Variants in KLHDC10 observed in about 807,000 individuals in gnomAD.
The protein encoded by KLHDC10 is kelch domain-containing protein 10.
KLHDC10 carries 24 observed loss-of-function variants against 56.1 expected under a neutral mutation model. That is an observed-to-expected ratio of 0.43 (90% CI 0.31 to 0.60). The LOEUF (loss-of-function observed/expected upper bound fraction) is 0.60. Among genes scored for constraint, KLHDC10 ranks in the 20% least tolerant of loss-of-function variants. KLHDC10 has a pLI of 0.11. For synonymous variants in KLHDC10, 188 were observed against 207.1 expected, an observed-to-expected ratio of 0.91 and a Z score of 0.79; for missense variants, 349 against 567.0, an observed-to-expected ratio of 0.62 and a Z score of 3.91.
chr7:130,124,563 G>A (rs11763721), intron 6 of KLHDC10, 28 bp downstream of exon 6: 13,647 of 1,185,578 alleles, frequency 0.012, 94 homozygotes, highest in Non-Finnish European at 0.015. Context: ...GAAAAAAAGG[G>A]AGAGGGAGAA....
chr7:130,074,274 G>T (rs571546572), intron 1 of KLHDC10, among the ~76,000 whole-genome samples: 9 of 152,036 alleles, frequency 5.9e-5, no homozygotes, highest in Non-Finnish European at 1.3e-4. Flanking sequence ...TTAGATCTCA[G>T]TTTGATCAAA....
chr7:130,082,817 C>T (rs1489394416), intron 1 of KLHDC10, among the ~76,000 whole-genome samples: 1 of 152,200 alleles, frequency 6.6e-6, no homozygotes, highest in Admixed American at 6.5e-5. Flanking sequence ...TTTCATCCTA[C>T]CCAGCTTCTC....
chr7:130,133,731 A>G lies in KLHDC10; in HGVS notation c.*2985A>G, dbSNP rs552817315. ...TCTGTAAGGAGTTTCCTAAACGGAG[A>G]ATTAAAACCTAGTATTTAACACTAA... On this transcript the variant is annotated 3_prime_UTR_variant, in exon 10 of 10. Transcript: ENST00000335420. 2 of 152,328 alleles carry G rather than the reference A, an allele frequency of 1.3e-5. No homozygotes were observed. The highest frequency in any genetic ancestry group is 4.8e-5 in the African/African-American group (2 of 41,570). 9.4% of individuals were successfully genotyped at this position (152,328 alleles called of 1,614,324 possible).
At chr7:130,129,803 G>A (rs1432961005) in intron 9 of KLHDC10, among the ~76,000 whole-genome samples, 1 of 152,116 alleles carries the variant, frequency 6.6e-6, no homozygotes, top group East Asian at 1.9e-4. Flanking sequence ...GCTACCTGTG[G>A]CATTCCGGCC....
At chr7:130,096,750 T>C (rs190489752) in intron 1 of KLHDC10, among the ~76,000 whole-genome samples, 171 bp from the exon 2 acceptor site, 1 of 152,318 alleles carries the variant, frequency 6.6e-6, no homozygotes, top group East Asian at 1.9e-4. Context: ...GCTTATATGT[T>C]AATTTAATTT....
intron 1 of KLHDC10, chr7:130,094,793 T>C (rs1279106772): frequency 2.0e-5 from 3 of 152,168 alleles, no homozygotes; most frequent in Non-Finnish European, 2.9e-5. Context: ...TCCCCTATCA[T>C]TGGACATTGA....
intron 1 of KLHDC10, among the ~76,000 whole-genome samples, chr7:130,071,648 G>A (rs961267523): frequency 3.3e-5 from 5 of 152,086 alleles, no homozygotes; most frequent in Non-Finnish European, 4.4e-5. Context: ...AAGGAAGGTA[G>A]GGAATTAAAT....
At chr7:130,122,308 T>G in intron 5 of KLHDC10, 106 bp downstream of exon 5, 1 of 1,042,066 alleles carries the variant, frequency 9.6e-7, no homozygotes. Context: ...TTAGAATAAC[T>G]AACTGGCTGT....
intron 8 of KLHDC10, among the ~76,000 whole-genome samples, 168 bp downstream of exon 8, chr7:130,127,619 T>C (rs1796331396): frequency 6.6e-6 from 1 of 152,250 alleles, no homozygotes; most frequent in Admixed American, 6.5e-5. Context: ...GCTGTTTTCA[T>C]AATGTAAACT....
chr7:130,085,190 G>A (rs1396091953), intron 1 of KLHDC10, among the ~76,000 whole-genome samples: 2 of 151,552 alleles, frequency 1.3e-5, no homozygotes, highest in Non-Finnish European at 2.9e-5. Context: ...AAAATTAGCC[G>A]GGTGTGGTGG....
intron 1 of KLHDC10, among the ~76,000 whole-genome samples, chr7:130,079,577 G>A (rs1053791979): frequency 6.6e-6 from 1 of 152,074 alleles, no homozygotes; most frequent in Non-Finnish European, 1.5e-5. Context: ...TAAACGTACT[G>A]CTGGGTTCTG....
At chr7:130,080,936 C>G (rs749487649) in intron 1 of KLHDC10, among the ~76,000 whole-genome samples, 1 of 150,018 alleles carries the variant, frequency 6.7e-6, no homozygotes, top group Non-Finnish European at 1.5e-5. Flanking sequence ...ATAACCGGCT[C>G]TTGGATTTTT....
intron 1 of KLHDC10, among the ~76,000 whole-genome samples, chr7:130,082,953 C>T (rs1234755390): frequency 6.6e-6 from 1 of 152,076 alleles, no homozygotes; most frequent in African/African-American, 2.4e-5. Context: ...CTTTATCTGC[C>T]ACTTAATATT....
intron 1 of KLHDC10, among the ~76,000 whole-genome samples, chr7:130,094,026 C>T (rs1795815797): frequency 6.6e-6 from 1 of 152,112 alleles, no homozygotes; most frequent in Non-Finnish European, 1.5e-5. Context: ...TGGGTTCCAG[C>T]AATTCTCCTG....
chr7:130,128,439 T>C (rs1458584676), intron 8 of KLHDC10, among the ~76,000 whole-genome samples: 2 of 152,214 alleles, frequency 1.3e-5, no homozygotes, highest in African/African-American at 4.8e-5. Flanking sequence ...TAATTAGTTA[T>C]AACTAACTGA....
chr7:130,093,004 G>GTT (rs1795797736), intron 1 of KLHDC10, among the ~76,000 whole-genome samples: 1 of 142,796 alleles, frequency 7.0e-6, no homozygotes, highest in African/African-American at 2.6e-5. Context: ...TTTTAATTAT[G>GTT]TCTTTTTTTT....
At chr7:130,097,934 C>G (rs1222074789) in intron 2 of KLHDC10, among the ~76,000 whole-genome samples, 13 of 151,614 alleles carry the variant, frequency 8.6e-5, no homozygotes, top group African/African-American at 3.1e-4. Context: ...TTTCTAGATA[C>G]AACAAATTAT....
intron 1 of KLHDC10, among the ~76,000 whole-genome samples, chr7:130,084,139 C>A (rs1795649267): frequency 6.6e-6 from 1 of 152,198 alleles, no homozygotes; most frequent in African/African-American, 2.4e-5. Context: ...TTACATGCTT[C>A]ATATTTCTGA....
intron 3 of KLHDC10, among the ~76,000 whole-genome samples, chr7:130,118,588 C>T (rs1052734324): frequency 5.3e-5 from 8 of 152,314 alleles, no homozygotes; most frequent in African/African-American, 1.2e-4. Context: ...ATTCACAATT[C>T]GGCTAACTGT....
Sources: allele counts gnomAD v4.1 joint callset (sites outside exome capture counted in the v4.1 genomes callset), GRCh38; gene constraint gnomAD v4.1.1; transcripts MANE v1.5; gene names NCBI Gene and HGNC (gene_info 2026-07-23, HGNC 2026-07-21).